Variants in ABCG1 observed in about 807,000 individuals in gnomAD.
ABCG1 encodes the protein ATP-binding cassette sub-family G member 1.
ABCG1 carries 29 observed loss-of-function variants against 69.2 expected under a neutral mutation model. The observed-to-expected ratio is 0.42, with a 90% CI of 0.31 to 0.57. The LOEUF is 0.57. Ranked by LOEUF, ABCG1 falls within the 20% of genes least tolerant of loss-of-function variation. The probability of loss-of-function intolerance (pLI) is 0.15; values close to 1 mark genes in which losing one functional copy is unlikely to be tolerated. For missense variants in ABCG1, 718 were observed against 898.1 expected (o/e 0.80, Z 2.56); for synonymous variants, 370 against 374.8 (o/e 0.99, Z 0.15).
At chr21:42,282,462 AC>A in intron 6 of ABCG1, 43 bp downstream of exon 6, 1 of 1,561,340 alleles carries the variant, frequency 6.4e-7, no homozygotes, top group South Asian at 1.2e-5. Flanking sequence ...GGCAGGAAGA[AC>A]CCCCTGTATT....
intron 2 of ABCG1, among the ~76,000 whole-genome samples, chr21:42,230,520 A>C (rs2067885394): frequency 6.6e-6 from 1 of 152,246 alleles, no homozygotes. Flanking sequence ...TTTTGAAAGC[A>C]GCCTTTTCTT....
intron 6 of ABCG1, 72 bp downstream of exon 6, chr21:42,282,491 G>T: frequency 6.6e-7 from 1 of 1,517,584 alleles, no homozygotes; most frequent in South Asian, 1.3e-5. Flanking sequence ...TCTTCCAGGT[G>T]ACCCTGACAT....
intron 6 of ABCG1, among the ~76,000 whole-genome samples, chr21:42,282,777 T>C (rs187410437): frequency 6.6e-6 from 1 of 152,342 alleles, no homozygotes; most frequent in Non-Finnish European, 1.5e-5. Flanking sequence ...AGGTGTGTTC[T>C]GGAAACGCCC....
chr21:42,284,285 A>AC (rs371145763), intron 6 of ABCG1, among the ~76,000 whole-genome samples: 4,489 of 139,484 alleles, frequency 0.032, 154 homozygotes, highest in African/African-American at 0.051. Flanking sequence ...ATGAGTGGGG[A>AC]CCCCCCCCCA....
At chr21:42,212,196 A>G (rs765756784), upstream of ABCG1, among the ~76,000 whole-genome samples, 1 of 152,022 alleles carries the variant, frequency 6.6e-6, no homozygotes, top group Non-Finnish European at 1.5e-5. Context: ...TAGGAGTCCA[A>G]ATGGACTGAG....
intron 2 of ABCG1, among the ~76,000 whole-genome samples, chr21:42,231,894 C>G (rs2067906482): frequency 6.6e-6 from 1 of 152,238 alleles, no homozygotes; most frequent in South Asian, 2.1e-4. Flanking sequence ...GAGGTGACAG[C>G]TGACCCCTGG....
chr21:42,230,525 T>C (rs1472962474), intron 2 of ABCG1, among the ~76,000 whole-genome samples: 2 of 152,246 alleles, frequency 1.3e-5, no homozygotes, highest in African/African-American at 4.8e-5. Context: ...AAAGCAGCCT[T>C]TTCTTCCTAC....
At chr21:42,267,664 G>T (rs1443745316) in intron 2 of ABCG1, among the ~76,000 whole-genome samples, 1 of 149,516 alleles carries the variant, frequency 6.7e-6, no homozygotes, top group Non-Finnish European at 1.5e-5. Flanking sequence ...GGTCTGGTCT[G>T]AGTTCTGTCT....
intron 2 of ABCG1, among the ~76,000 whole-genome samples, chr21:42,270,157 G>C (rs927177136): frequency 6.6e-6 from 1 of 151,558 alleles, no homozygotes; most frequent in Admixed American, 6.6e-5. Flanking sequence ...CTACTCGGGA[G>C]GCTGAGGCAG....
intron 2 of ABCG1, chr21:42,260,181 G>A (rs560479108): frequency 1.4e-5 from 21 of 1,550,236 alleles, no homozygotes; most frequent in Middle Eastern, 1.7e-4. Flanking sequence ...AGCTGGTCAC[G>A]TGGCCCTAAA....
chr21:42,217,677 C>CTATT, upstream of ABCG1, among the ~76,000 whole-genome samples: 1 of 123,670 alleles, frequency 8.1e-6, no homozygotes, highest in East Asian at 2.6e-4. Flanking sequence ...AATGGATCTA[C>CTATT]TCTTTTTTTT....
At chr21:42,211,725 C>CAA (rs372775582), upstream of ABCG1, among the ~76,000 whole-genome samples, 2,538 of 137,678 alleles carry the variant, frequency 0.018, 83 homozygotes, top group African/African-American at 0.063. Context: ...ACTAAAAATA[C>CAA]AAAAAAAAAA....
chr21:42,269,417 C>T (rs2068575558), intron 2 of ABCG1, among the ~76,000 whole-genome samples: 1 of 152,222 alleles, frequency 6.6e-6, no homozygotes, highest in Non-Finnish European at 1.5e-5. Context: ...TCCCGGTCCT[C>T]CTCCAGCCCC....
chr21:42,267,656 T>C (rs946993399), intron 2 of ABCG1, among the ~76,000 whole-genome samples: 3 of 150,664 alleles, frequency 2.0e-5, no homozygotes, highest in Non-Finnish European at 4.4e-5. Context: ...TCTGTCTGGG[T>C]CTGGTCTGAG....
Position 42,266,118 on chromosome 21 carries a change from A to G in ABCG1, c.287-4952A>G, listed in dbSNP as rs149819498. On this transcript the variant is annotated intron_variant, in intron 2 of 14. Coordinates refer to ENST00000398449, the MANE Select transcript of ABCG1 (RefSeq NM_016818.3). Reference sequence around the variant, plus strand: ...AGATTGAGACCATCCTGGCTAACACAGTGAAACCACATCTCTACTAAAAAT... The same window carrying G: ...AGATTGAGACCATCCTGGCTAACACGGTGAAACCACATCTCTACTAAAAAT... 6.4e-3 allele frequency among the ~76,000 whole-genome samples: 977 copies of G among 152,124 alleles called. 14 individuals carry two copies. The highest frequency in any genetic ancestry group is 0.023 in the African/African-American group (948 of 41,504).
rs1233606026 is a variant in ABCG1, at chr21:42,287,105, A to G, written c.974-784A>G. 6.6e-6 allele frequency among the ~76,000 whole-genome samples: 1 copy of G among 152,144 alleles called. No individual in the cohort carries two copies. The highest frequency in any genetic ancestry group is 1.5e-5 in the Non-Finnish European group (1 of 68,016). On this transcript the variant is annotated intron_variant, in intron 8 of 14. Transcript: ENST00000398449. This position sits in a 1 kb window ranked among gnomAD's most constrained non-coding sequence, Gnocchi z 6.2. ...TGGGGAGCTTTGGGCCTTAGCAAGA[A>G]CGTTACTGGAGTGGGAGGCAAGGCA...
intron 3 of ABCG1, among the ~76,000 whole-genome samples, chr21:42,271,732 A>G (rs1222689905): frequency 6.6e-6 from 1 of 152,172 alleles, no homozygotes; most frequent in Non-Finnish European, 1.5e-5. Context: ...AGATACAGAA[A>G]AAATTAGCTG....
intron 8 of ABCG1, among the ~76,000 whole-genome samples, chr21:42,286,537 T>C (rs1439687233): frequency 2.6e-5 from 4 of 152,182 alleles, no homozygotes; most frequent in African/African-American, 9.7e-5. Flanking sequence ...TAGGCTGTGA[T>C]GGAGAGGAGA....
At chr21:42,269,119 C>G (rs992859363) in intron 2 of ABCG1, among the ~76,000 whole-genome samples, 2 of 152,208 alleles carry the variant, frequency 1.3e-5, no homozygotes, top group Non-Finnish European at 2.9e-5. Flanking sequence ...CAGGCGTCTT[C>G]AGGCAGCTCA....
Sources: allele counts gnomAD v4.1 joint callset (sites outside exome capture counted in the v4.1 genomes callset), GRCh38; gene constraint gnomAD v4.1.1; non-coding constraint Gnocchi (gnomAD v3.1); transcripts MANE v1.5; gene names NCBI Gene and HGNC (gene_info 2026-07-23, HGNC 2026-07-21).